The following MVB12B variants were observed in gnomAD, a reference collection of about 807,000 sequenced individuals.
MVB12B encodes multivesicular body subunit 12B, also known as ESCRT-I complex subunit MVB12B.
Under a neutral mutation model 41.6 loss-of-function variants are expected in MVB12B, and 16 were observed. The observed-to-expected ratio is 0.38, with a 90% CI of 0.26 to 0.58. The LOEUF (loss-of-function observed/expected upper bound fraction) is 0.58. Among genes scored for constraint, MVB12B ranks in the 20% least tolerant of loss-of-function variants. MVB12B has a pLI of 0.62. For synonymous variants in MVB12B, 133 were observed against 139.7 expected (o/e 0.95, Z 0.34); for missense variants, 274 against 380.2 (o/e 0.72, Z 2.32).
chr9:126,447,039 G>C (rs1832790061), intron 7 of MVB12B, among the ~76,000 whole-genome samples: 1 of 148,272 alleles, frequency 6.7e-6, no homozygotes, highest in Non-Finnish European at 1.5e-5. Context: ...CCGCCTCCCA[G>C]GTTCAAGTGA....
chr9:126,327,320 C>G, intron 1 of MVB12B: 1 of 985,342 alleles, frequency 1.0e-6, no homozygotes, highest in South Asian at 4.7e-5. Flanking sequence ...AGAGCCACCT[C>G]TGCCCGCGTG....
intron 2 of MVB12B, among the ~76,000 whole-genome samples, chr9:126,375,721 G>T (rs1305917180): frequency 6.6e-6 from 1 of 152,112 alleles, no homozygotes; most frequent in Admixed American, 6.5e-5. Context: ...CTTGCACATC[G>T]GCAAAGGTCT....
At chr9:126,470,890 C>T (rs1270579023) in intron 7 of MVB12B, among the ~76,000 whole-genome samples, 5 of 152,090 alleles carry the variant, frequency 3.3e-5, no homozygotes, top group Non-Finnish European at 5.9e-5. Flanking sequence ...AAAGGTCAAC[C>T]GTGAAAGGGT....
intron 5 of MVB12B, among the ~76,000 whole-genome samples, chr9:126,393,269 G>A (rs527314549): frequency 3.5e-4 from 53 of 152,326 alleles, no homozygotes; most frequent in African/African-American, 1.2e-3. Flanking sequence ...GCCTGGAAGC[G>A]GAAGCTTGAA....
intron 7 of MVB12B, among the ~76,000 whole-genome samples, chr9:126,422,231 G>A (rs1832043447): frequency 6.6e-6 from 1 of 152,154 alleles, no homozygotes; most frequent in African/African-American, 2.4e-5. Flanking sequence ...TCGCCACATT[G>A]TTCACCTGCC....
intron 6 of MVB12B, chr9:126,397,600 A>G (rs1453194662): frequency 1.0e-6 from 1 of 985,420 alleles, no homozygotes; most frequent in Non-Finnish European, 1.2e-6. Flanking sequence ...TTGAATGTTC[A>G]TTAGTGCTTC....
At chr9:126,388,106 A>C (rs1830849768) in intron 4 of MVB12B, among the ~76,000 whole-genome samples, 1 of 152,170 alleles carries the variant, frequency 6.6e-6, no homozygotes, top group East Asian at 1.9e-4. Flanking sequence ...GGCAACCATT[A>C]TGGCACATTA....
At chr9:126,499,890 T>TCAGCCCAGCCCGGAGGGCC (rs1379220572) in intron 9 of MVB12B, among the ~76,000 whole-genome samples, 2 of 146,326 alleles carry the variant, frequency 1.4e-5, no homozygotes. Context: ...AGAGAGGAGC[T>TCAGCCCAGCCCGGAGGGCC]CAGCCCAGCC....
intron 9 of MVB12B, among the ~76,000 whole-genome samples, chr9:126,492,508 C>T (rs989066287): frequency 1.3e-5 from 2 of 152,110 alleles, no homozygotes; most frequent in Admixed American, 1.3e-4. Flanking sequence ...AGCTAAGACT[C>T]ACTGGGACCT....
chr9:126,411,801 A>C (rs1831659985), intron 6 of MVB12B, among the ~76,000 whole-genome samples: 1 of 152,218 alleles, frequency 6.6e-6, no homozygotes, highest in African/African-American at 2.4e-5. Flanking sequence ...TTTCTGTTTT[A>C]GCGGAAACAA....
chr9:126,497,378 C>A (rs1031722191), intron 9 of MVB12B, among the ~76,000 whole-genome samples: 11 of 152,138 alleles, frequency 7.2e-5, no homozygotes, highest in Non-Finnish European at 1.3e-4. Context: ...CGGGAGCCCT[C>A]ACCCACCCCT....
chr9:126,337,740 T>C (rs1308515632), intron 1 of MVB12B, among the ~76,000 whole-genome samples: 4 of 152,110 alleles, frequency 2.6e-5, no homozygotes, highest in Non-Finnish European at 5.9e-5. Context: ...TGCGGGCAGT[T>C]TGGGCTTTGA....
intron 2 of MVB12B, among the ~76,000 whole-genome samples, chr9:126,344,047 TAA>T (rs80127150): frequency 1.9e-4 from 25 of 128,700 alleles, no homozygotes; most frequent in Middle Eastern, 4.1e-3. Flanking sequence ...CTTTTCTTGG[TAA>T]AAAAAAAAAA....
At chr9:126,460,688 G>A (rs1833071176) in intron 7 of MVB12B, among the ~76,000 whole-genome samples, 1 of 152,082 alleles carries the variant, frequency 6.6e-6, no homozygotes, top group Non-Finnish European at 1.5e-5. Context: ...TGATGCTGGG[G>A]GTGGTAGCGG....
At chr9:126,358,168 G>A (rs887616461) in intron 2 of MVB12B, among the ~76,000 whole-genome samples, 3 of 152,096 alleles carry the variant, frequency 2.0e-5, no homozygotes, top group Non-Finnish European at 4.4e-5. Context: ...TTATTCCATT[G>A]ATCTATAAGT....
chr9:126,439,975 A>G (rs1260464196), intron 7 of MVB12B, among the ~76,000 whole-genome samples: 1 of 152,244 alleles, frequency 6.6e-6, no homozygotes, highest in Admixed American at 6.5e-5. Flanking sequence ...AGATGTTTTA[A>G]TAGGCCCATT....
intron 2 of MVB12B, among the ~76,000 whole-genome samples, chr9:126,353,519 C>G (rs915565636): frequency 6.6e-6 from 1 of 152,214 alleles, no homozygotes; most frequent in Non-Finnish European, 1.5e-5. Flanking sequence ...AATAGCAGGA[C>G]TTTCCTCATA....
chr9:126,401,815 C>A (rs1468179840), intron 6 of MVB12B, among the ~76,000 whole-genome samples: 1 of 152,118 alleles, frequency 6.6e-6, no homozygotes, highest in Admixed American at 6.5e-5. Context: ...GATTAACTCG[C>A]AGAGTAAGTC....
In MVB12B at chr9:126,340,708, C is replaced by G. The variant is rs1829422622; in HGVS notation, c.204+78C>G. ...ATCTCCTGTGTCCAAGACCTTCTGG[C>G]CCTTGCGTGTAAGATGTGCTTCTTC... On this transcript the variant is annotated intron_variant, in intron 2 of 9. Coordinates refer to ENST00000361171, the MANE Select transcript of MVB12B (RefSeq NM_033446.3). The surrounding 1 kb of genome is among the most constrained non-coding windows in gnomAD (Gnocchi z 4.0). The G allele has an allele frequency of 6.5e-7, 1 of 1,529,574 alleles. No individual in the cohort carries two copies. Among genetic ancestry groups the G allele is most frequent in the East Asian group, 2.3e-5 (1 of 43,580 alleles). 94.8% of individuals were successfully genotyped at this position (1,529,574 alleles called of 1,614,324 possible).
Sources: allele counts gnomAD v4.1 joint callset (sites outside exome capture counted in the v4.1 genomes callset), GRCh38; gene constraint gnomAD v4.1.1; non-coding constraint Gnocchi (gnomAD v3.1); transcripts MANE v1.5; gene names NCBI Gene and HGNC (gene_info 2026-07-23, HGNC 2026-07-21).